The following MYOM2 variants were observed in gnomAD, a reference collection of about 807,000 sequenced individuals.
The protein encoded by MYOM2 is myomesin-2.
Under a neutral mutation model 187.6 loss-of-function variants are expected in MYOM2, and 254 were observed. That is an observed-to-expected ratio of 1.35 (90% CI 1.22 to 1.50). The LOEUF (loss-of-function observed/expected upper bound fraction) is 1.50, where lower values mean the gene tolerates loss of function less well. Among genes scored for constraint, MYOM2 ranks in the 40% most tolerant of loss-of-function variants. The pLI is 0.00. For missense variants in MYOM2, 2,796 were observed against 1,924.0 expected, an observed-to-expected ratio of 1.45 and a Z score of -8.48; for synonymous variants, 981 against 753.8, an observed-to-expected ratio of 1.30 and a Z score of -4.94.
intron 32 of MYOM2, among the ~76,000 whole-genome samples, chr8:2,133,946 C>G (rs1172741128): frequency 3.3e-5 from 5 of 151,886 alleles, no homozygotes; most frequent in Admixed American, 1.3e-4. Context: ...ATCCTCCACC[C>G]TCTTCCCCTG....
chr8:2,066,392 C>T (rs17064640), intron 6 of MYOM2, among the ~76,000 whole-genome samples: 22,277 of 152,174 alleles, frequency 0.15, 2,582 homozygotes, highest in African/African-American at 0.32. Context: ...ATCCTTCCAG[C>T]GGTGCCTGTG....
chr8:2,071,896 G>A (rs568733617), intron 8 of MYOM2, among the ~76,000 whole-genome samples: 5 of 152,146 alleles, frequency 3.3e-5, no homozygotes, highest in South Asian at 2.1e-4. Context: ...TTCCAAGGGC[G>A]CTCATTCTCC....
chr8:2,123,553 A>G lies in MYOM2; in HGVS notation c.3568-2A>G. 6.2e-7 allele frequency: 1 copy of G among 1,611,376 alleles called. No homozygotes were observed. The highest frequency in any genetic ancestry group is 8.5e-7 in the Non-Finnish European group (1 of 1,177,498). ...TAAATATGGAATGTGTTTTCTTTGT[A>G]GTTGTCAAAGAAGGACCACGGTGAA... On this transcript the variant is annotated splice_acceptor_variant, in intron 29 of 36. Coordinates refer to ENST00000262113, the MANE Select transcript of MYOM2 (RefSeq NM_003970.4). LOFTEE classifies it high-confidence loss of function.
intron 28 of MYOM2, among the ~76,000 whole-genome samples, chr8:2,121,751 A>G (rs1380072608): frequency 1.3e-5 from 2 of 152,272 alleles, no homozygotes; most frequent in Non-Finnish European, 2.9e-5. Flanking sequence ...AATCATAAAC[A>G]TAAGAAAATC....
At chr8:2,123,387 A>G (rs1028572061) in intron 29 of MYOM2, 22 bp downstream of exon 29, 30 of 1,497,418 alleles carry the variant, frequency 2.0e-5, no homozygotes, top group Non-Finnish European at 2.5e-5. Flanking sequence ...TGAGTAACAC[A>G]AGAAAGCAAA....
intron 18 of MYOM2, chr8:2,097,059 C>T (rs1156589652): frequency 1.1e-6 from 1 of 936,584 alleles, no homozygotes; most frequent in East Asian, 1.1e-4. Context: ...TCATCTCACA[C>T]TACAGCTCCC....
chr8:2,126,475 C>T (rs575833205), intron 31 of MYOM2, among the ~76,000 whole-genome samples: 2 of 152,236 alleles, frequency 1.3e-5, no homozygotes, highest in South Asian at 4.1e-4. Flanking sequence ...CACACTCACA[C>T]ACTCATACAT....
chr8:2,144,567 AT>A, intron 36 of MYOM2, 96 bp from the exon 37 acceptor site: 2 of 1,228,092 alleles, frequency 1.6e-6, no homozygotes, highest in Non-Finnish European at 2.4e-6. Context: ...GGACCAATAA[AT>A]GTAACTGAGT....
In MYOM2 at chr8:2,085,323, A is replaced by T; in HGVS notation, c.1577A>T (p.Tyr526Phe). The T allele has an allele frequency of 1.2e-6, 2 of 1,614,084 alleles. No homozygotes were observed. Among genetic ancestry groups the T allele is most frequent in the Non-Finnish European group, 1.7e-6 (2 of 1,180,002 alleles). Reference sequence around the variant, plus strand: ...CACGCTTCCGAGATCAGCAGAAACTATGTCGTCCTCAGCTGGGAGCCACCC... The same window carrying T: ...CACGCTTCCGAGATCAGCAGAAACTTTGTCGTCCTCAGCTGGGAGCCACCC... ...GVHASEISRN[Y>F]VVLSWEPPTP... The change falls in exon 14 of 37, where the codon TAT (tyrosine) becomes TTT (phenylalanine). Residue 526 changes from tyrosine (Y) to phenylalanine (F), a missense_variant. By Grantham distance (22) the Tyr-to-Phe change is conservative. Transcript: ENST00000262113.
chr8:2,124,180 G>C lies in MYOM2; in HGVS notation c.3657G>C (p.Val1219=), dbSNP rs1410680042. The C allele has an allele frequency of 6.2e-7, 1 of 1,612,494 alleles. No individual in the cohort carries two copies. The highest frequency in any genetic ancestry group is 8.5e-7 in the Non-Finnish European group (1 of 1,179,074). The change falls in exon 31 of 37, where the codon GTG becomes GTC. Residue 1219 remains valine (V), a splice_region_variant and synonymous_variant. Coordinates refer to ENST00000262113, the MANE Select transcript of MYOM2 (RefSeq NM_003970.4). ...DVSILEIAGK[V]YDDMILAMSR... is the part of the protein sequence containing the mutation. ...GTGCGTATCCCTTCTCATTTTCAGT[G>C]TATGATGATATGATTTTGGCAATGA...
intron 10 of MYOM2, 141 bp downstream of exon 10, chr8:2,073,641 G>C: frequency 9.8e-7 from 1 of 1,021,282 alleles, no homozygotes; most frequent in Non-Finnish European, 1.4e-6. Flanking sequence ...ATGCGGCCCC[G>C]ATTTTCCCTC....
In MYOM2 at chr8:2,097,666, C is replaced by G. The variant is rs529928882; in HGVS notation, c.2314-1191C>G. Among the ~76,000 whole-genome samples, 44 of 152,250 alleles carry G rather than the reference C, an allele frequency of 2.9e-4. 1 individual carries two copies. Among genetic ancestry groups the G allele is most frequent in the Admixed American group, 1.2e-3 (19 of 15,306 alleles). ...AGTAGCTGGGATTACAGGCGCCCAC[C>G]ACCACGCCCGGCTAATTTTTGTATT... On this transcript the variant is annotated intron_variant, in intron 18 of 36. Transcript: ENST00000262113.
intron 3 of MYOM2, among the ~76,000 whole-genome samples, chr8:2,056,405 C>G (rs1433620797): frequency 6.6e-6 from 1 of 152,120 alleles, no homozygotes; most frequent in Non-Finnish European, 1.5e-5. Flanking sequence ...GCTGAAAGAG[C>G]TCCTGCAGGG....
At position 2,090,154 on chromosome 8, in the gene MYOM2, G is replaced by A. The variant is rs972964099; in HGVS notation, c.1791G>A (p.Ser597=). The change falls in exon 15 of 37, where the codon TCG becomes TCA. Residue 597 remains serine, a synonymous_variant. Coordinates refer to ENST00000262113, the MANE Select transcript of MYOM2 (RefSeq NM_003970.4). The part of the protein sequence containing the change: ...SANRHGLSEP[S]EITSPIQAQD... ...ACCGGCATGGCCTGAGCGAACCTTC[G>A]GAGATAACGTCCCCCATTCAGGCCC... The A allele has an allele frequency of 8.7e-6, 14 of 1,613,858 alleles. No homozygotes were observed. Among genetic ancestry groups the A allele is most frequent in the African/African-American group, 1.3e-5 (1 of 74,920 alleles).
chr8:2,064,750 G>C (rs773525604), intron 6 of MYOM2, among the ~76,000 whole-genome samples: 1 of 152,146 alleles, frequency 6.6e-6, no homozygotes, highest in Admixed American at 6.5e-5. Flanking sequence ...CGTGGCCTGG[G>C]GAACACATCT....
rs1230463394 is a variant in MYOM2 at position 2,117,944 on chromosome 8, G to C, written c.3445G>C (p.Val1149Leu). Residue 1149 changes from valine to leucine, a missense_variant, in exon 28 of 37, where the codon GTT becomes CTT. By Grantham distance (32) the Val-to-Leu change is conservative. Coordinates refer to ENST00000262113, the MANE Select transcript of MYOM2 (RefSeq NM_003970.4). ...DVTEECEVRL[V>L]CKVANTKKET... The stretch of plus-strand genomic sequence containing the variant: ...CACGGAAGAATGTGAAGTTCGACTT[G>C]TTTGCAAGGTGAGAAACCCGGTTCT... 1 of 1,612,572 alleles carries C rather than the reference G, an allele frequency of 6.2e-7. No homozygotes were observed. Among genetic ancestry groups the C allele is most frequent in the Non-Finnish European group, 8.5e-7 (1 of 1,179,248 alleles).
intron 3 of MYOM2, among the ~76,000 whole-genome samples, chr8:2,056,220 C>G (rs565564859): frequency 6.6e-6 from 1 of 152,186 alleles, no homozygotes; most frequent in South Asian, 2.1e-4. Context: ...GGGATGGCTC[C>G]GTGGGAGACA....
intron 6 of MYOM2, among the ~76,000 whole-genome samples, chr8:2,067,688 C>A (rs1285107512): frequency 6.6e-6 from 1 of 152,142 alleles, no homozygotes; most frequent in African/African-American, 2.4e-5. Context: ...TATGGGGAAG[C>A]AGAAGACCCA....
intron 6 of MYOM2, among the ~76,000 whole-genome samples, chr8:2,068,768 C>A (rs554666071): frequency 1.3e-5 from 2 of 152,192 alleles, no homozygotes; most frequent in South Asian, 2.1e-4. Context: ...TGGACCCCCC[C>A]GCCATGGTTC....
Sources: gnomAD v4.1 joint callset for allele counts (sites outside exome capture counted in the v4.1 genomes callset) on GRCh38, gnomAD v4.1.1 for gene constraint, MANE v1.5 for transcripts, NCBI Gene and HGNC (gene_info 2026-07-23, HGNC 2026-07-21) for gene names.